PTPN5: variants seen among roughly 807,000 people sequenced by gnomAD.
PTPN5 encodes protein tyrosine phosphatase non-receptor type 5, also known as tyrosine-protein phosphatase non-receptor type 5.
In PTPN5, 29 loss-of-function variants were observed where a neutral mutation model predicts 73.9. That is an observed-to-expected ratio of 0.39 (90% CI 0.29 to 0.54). The LOEUF (loss-of-function observed/expected upper bound fraction) is 0.54. Ranked by LOEUF, PTPN5 falls within the 20% of genes least tolerant of loss-of-function variation. PTPN5 has a pLI of 0.65. For missense variants in PTPN5, 652 were observed against 751.4 expected (o/e 0.87, Z 1.55); for synonymous variants, 267 against 304.7 (o/e 0.88, Z 1.29).
At chr11:18,781,703 T>C (rs1367025399) in intron 1 of PTPN5, among the ~76,000 whole-genome samples, 1 of 152,124 alleles carries the variant, frequency 6.6e-6, no homozygotes, top group Admixed American at 6.5e-5. Context: ...TATAATCTTA[T>C]ATCAATTTCT....
chr11:18,765,679 G>A, intron 3 of PTPN5, 128 bp downstream of exon 3: 1 of 707,776 alleles, frequency 1.4e-6, no homozygotes, highest in Non-Finnish European at 2.6e-6. Context: ...GAAGAGCTAT[G>A]GAGCAGCTGC....
chr11:18,781,122 T>C (rs1590619112), intron 1 of PTPN5, among the ~76,000 whole-genome samples: 2 of 152,108 alleles, frequency 1.3e-5, no homozygotes, highest in East Asian at 1.9e-4. Context: ...CCTTCTGAGA[T>C]TGACTCTGAT....
Position 18,728,091 on chromosome 11 carries a change from C to A in PTPN5, c.*843G>T, listed in dbSNP as rs544340136. The A allele has an allele frequency of 2.6e-5, 4 of 152,760 alleles. No homozygotes were observed. The South Asian group carries it at 6.2e-4, about 24-fold the overall frequency. The allele number at this position is 152,760 out of a possible 1,614,324, so 9.5% of individuals were successfully genotyped here. A position where few individuals can be genotyped will look rare whatever the true frequency, so the allele number is the denominator to read the frequency against. ...CATGTTGCCAAAGAGTCATGCATGC[C>A]CTCCTGATGGGCTCTCAACACACGC... On this transcript the variant is annotated 3_prime_UTR_variant, in exon 15 of 15. Transcript: ENST00000358540. The surrounding 1 kb of genome is among the most constrained non-coding windows in gnomAD (Gnocchi z 4.1).
chr11:18,756,799 C>G (rs1850162643), intron 3 of PTPN5, among the ~76,000 whole-genome samples: 1 of 151,808 alleles, frequency 6.6e-6, no homozygotes, highest in South Asian at 2.1e-4. Flanking sequence ...TGGCGTATGC[C>G]TGTAATCCCA....
chr11:18,737,854 A>G (rs1263029744), intron 9 of PTPN5, 26 bp downstream of exon 9: 1 of 1,599,904 alleles, frequency 6.3e-7, no homozygotes, highest in Non-Finnish European at 8.6e-7. Flanking sequence ...GCCTGCCCCC[A>G]TCCCTCTGGG....
chr11:18,782,528 T>C (rs538971461), intron 1 of PTPN5, among the ~76,000 whole-genome samples: 1 of 152,310 alleles, frequency 6.6e-6, no homozygotes, highest in South Asian at 2.1e-4. Context: ...GCGTCTGGCT[T>C]CTTAAAAACT....
chr11:18,729,784 C>A lies in PTPN5; in HGVS notation c.1364G>T (p.Trp455Leu). ...CTTCTGGTCGGGCCAGGATGTGAACCAGTAATGCTTCAGGCCTCGCTCCTC... is the reference window on the plus strand; with the variant it reads ...CTTCTGGTCGGGCCAGGATGTGAACAAGTAATGCTTCAGGCCTCGCTCCTC... ...GTEERGLKHY[W>L]FTSWPDQKTP... Residue 455 changes from tryptophan to leucine, a missense_variant, in exon 13 of 15, where the codon TGG becomes TTG. Trp to Leu is a moderately conservative substitution (Grantham distance 61, BLOSUM62 -2). Coordinates refer to ENST00000358540, the MANE Select transcript of PTPN5 (RefSeq NM_006906.2). This position sits in a 1 kb window ranked among gnomAD's most constrained non-coding sequence, Gnocchi z 5.2. The A allele has an allele frequency of 6.2e-7, 1 of 1,613,598 alleles. No individual in the cohort carries two copies. Among genetic ancestry groups the A allele is most frequent in the Non-Finnish European group, 8.5e-7 (1 of 1,179,626 alleles).
At chr11:18,772,993 C>T (rs1167700420) in intron 1 of PTPN5, among the ~76,000 whole-genome samples, 5 of 143,512 alleles carry the variant, frequency 3.5e-5, no homozygotes, top group Admixed American at 7.1e-5. Flanking sequence ...GGTGAGAGGC[C>T]GTGGGATGAG....
intron 1 of PTPN5, among the ~76,000 whole-genome samples, chr11:18,777,313 A>C (rs1405382213): frequency 6.6e-6 from 1 of 152,244 alleles, no homozygotes; most frequent in Non-Finnish European, 1.5e-5. Context: ...TCATCTGTGA[A>C]GCAAGGATAA....
Position 18,733,727 on chromosome 11 carries a change from T to C in PTPN5, c.1001-92A>G. ...CCTATTCCAGCATACCCACACTTCTTCTGCGACATTAGCAGTTCTTCCTTC... is the reference window on the plus strand; with the variant it reads ...CCTATTCCAGCATACCCACACTTCTCCTGCGACATTAGCAGTTCTTCCTTC... On this transcript the variant is annotated intron_variant, in intron 9 of 14. Coordinates refer to ENST00000358540, the MANE Select transcript of PTPN5 (RefSeq NM_006906.2). This position sits in a 1 kb window ranked among gnomAD's most constrained non-coding sequence, Gnocchi z 4.3. The C allele has an allele frequency of 1.8e-6, 2 of 1,082,472 alleles. No homozygotes were observed. The highest frequency in any genetic ancestry group is 2.8e-6 in the Non-Finnish European group (2 of 702,808). 67.1% of individuals were successfully genotyped at this position (1,082,472 alleles called of 1,614,324 possible). A position where few individuals can be genotyped will look rare whatever the true frequency, so the allele number is the denominator to read the frequency against.
intron 7 of PTPN5, among the ~76,000 whole-genome samples, chr11:18,741,179 G>A (rs577055955): frequency 2.6e-5 from 4 of 152,276 alleles, no homozygotes; most frequent in Admixed American, 2.6e-4. Flanking sequence ...ACAGAAGCGG[G>A]GCTTGGGCCC....
chr11:18,786,845 C>T (rs189757391), intron 1 of PTPN5, among the ~76,000 whole-genome samples: 4 of 152,316 alleles, frequency 2.6e-5, no homozygotes, highest in African/African-American at 9.6e-5. Context: ...TTCTCCCTCC[C>T]CACTGCCTTC....
chr11:18,777,018 G>C (rs746814126), intron 1 of PTPN5, among the ~76,000 whole-genome samples: 1 of 152,084 alleles, frequency 6.6e-6, no homozygotes, highest in Non-Finnish European at 1.5e-5. Context: ...AAAATTAGCC[G>C]GGCGTGGTGG....
chr11:18,757,899 A>G (rs1265933756), intron 3 of PTPN5, among the ~76,000 whole-genome samples: 1 of 152,246 alleles, frequency 6.6e-6, no homozygotes, highest in Non-Finnish European at 1.5e-5. Flanking sequence ...TAACATATAC[A>G]GCCTTACAAA....
At position 18,742,357 on chromosome 11, in the gene PTPN5, C is replaced by G; in HGVS notation, c.630G>C (p.Pro210=). 6.2e-7 allele frequency: 1 copy of G among 1,614,104 alleles called. No homozygotes were observed. The highest frequency in any genetic ancestry group is 8.5e-7 in the Non-Finnish European group (1 of 1,180,016). ...AATCAAACACAGGAGTCTCGGGCAC[C>G]GGGTCGAGGTCCAGGAAGTCATCCT... ...KIEDDFLDLD[P]VPETPVFDCV... Residue 210 remains proline, a synonymous_variant, in exon 7 of 15, where the codon CCG becomes CCC. Transcript: ENST00000358540. The surrounding 1 kb of genome is among the most constrained non-coding windows in gnomAD (Gnocchi z 4.1).
chr11:18,748,781 G>A (rs562849931), intron 3 of PTPN5, among the ~76,000 whole-genome samples: 5 of 152,234 alleles, frequency 3.3e-5, no homozygotes, highest in East Asian at 1.9e-4. Context: ...CCGATTATAC[G>A]TCAAGCACTG....
At chr11:18,734,952 G>A (rs1377413732) in intron 9 of PTPN5, among the ~76,000 whole-genome samples, 1 of 152,212 alleles carries the variant, frequency 6.6e-6, no homozygotes, top group Non-Finnish European at 1.5e-5. Context: ...TTCAAATCCT[G>A]ATTCTGACTT....
At chr11:18,785,942 A>C (rs1281374697) in intron 1 of PTPN5, among the ~76,000 whole-genome samples, 1 of 152,198 alleles carries the variant, frequency 6.6e-6, no homozygotes, top group African/African-American at 2.4e-5. Flanking sequence ...GATCTCCCGC[A>C]TCTGGTGTGA....
intron 1 of PTPN5, among the ~76,000 whole-genome samples, chr11:18,787,007 T>C (rs2134374740): frequency 6.6e-6 from 1 of 152,284 alleles, no homozygotes; most frequent in East Asian, 1.9e-4. Flanking sequence ...GAAGGATGTA[T>C]ATTTGTGCGG....
Sources: gnomAD v4.1 joint callset for allele counts (sites outside exome capture counted in the v4.1 genomes callset) on GRCh38, gnomAD v4.1.1 for gene constraint, Gnocchi (gnomAD v3.1) non-coding constraint, MANE v1.5 for transcripts, NCBI Gene and HGNC (gene_info 2026-07-23, HGNC 2026-07-21) for gene names.